Variants in KCNQ1 observed in about 807,000 individuals in gnomAD.
KCNQ1 encodes the protein potassium voltage-gated channel subfamily KQT member 1.
A neutral mutation model predicts 72.4 loss-of-function variants in KCNQ1; 49 were observed. The ratio of observed to expected loss-of-function variants is 0.68; its 90% CI spans 0.54 to 0.86. The LOEUF (loss-of-function observed/expected upper bound fraction) is 0.86, where lower values mean the gene tolerates loss of function less well. Ranked by LOEUF, KCNQ1 falls within the 40% of genes least tolerant of loss-of-function variation. KCNQ1 has a pLI of 0.00. For synonymous variants in KCNQ1, 450 were observed against 412.6 expected, an observed-to-expected ratio of 1.09 and a Z score of -1.10; for missense variants, 790 against 945.1, an observed-to-expected ratio of 0.84 and a Z score of 2.15.
chr11:2,532,353 C>G (rs759595505), intron 2 of KCNQ1, among the ~76,000 whole-genome samples: 2 of 152,344 alleles, frequency 1.3e-5, no homozygotes, highest in South Asian at 2.1e-4. Flanking sequence ...TATGTGCTCC[C>G]GGCTTCAGCT....
At chr11:2,810,356 G>A (rs1375882662) in intron 15 of KCNQ1, among the ~76,000 whole-genome samples, 1 of 152,206 alleles carries the variant, frequency 6.6e-6, no homozygotes, top group Non-Finnish European at 1.5e-5. Context: ...TCTCATCATG[G>A]AGGCCACCAT....
At position 2,787,039 on chromosome 11, in the gene KCNQ1, G is replaced by A. The variant is rs1439907127; in HGVS notation, c.1794+9002G>A. On this transcript the variant is annotated intron_variant, in intron 15 of 15. Transcript: ENST00000155840. The surrounding 1 kb of genome is among the most constrained non-coding windows in gnomAD (Gnocchi z 6.3). ...TCTGGTGTGAAGTTGGGGTCCTCAGGGAGGAATCATGTTTACCCCTTCCAT... is the reference window on the plus strand; with the variant it reads ...TCTGGTGTGAAGTTGGGGTCCTCAGAGAGGAATCATGTTTACCCCTTCCAT... Among the ~76,000 whole-genome samples the A allele has an allele frequency of 6.6e-6, 1 of 150,940 alleles. No homozygotes were observed. The highest frequency in any genetic ancestry group is 2.4e-5 in the African/African-American group (1 of 41,018).
chr11:2,660,218 C>T (rs1330258688), intron 10 of KCNQ1: 1 of 397,500 alleles, frequency 2.5e-6, no homozygotes, highest in African/African-American at 2.1e-5. Flanking sequence ...TATGTAGTAC[C>T]CTTTAAATTT....
chr11:2,615,248 A>G (rs971057889), intron 10 of KCNQ1: 4 of 398,062 alleles, frequency 1.0e-5, no homozygotes, highest in African/African-American at 8.2e-5. Context: ...ATAAATGTTG[A>G]ACATGTACCC....
chr11:2,609,686 TTA>T (rs1200401802), intron 10 of KCNQ1: 3 of 398,288 alleles, frequency 7.5e-6, no homozygotes, highest in South Asian at 2.5e-4. Context: ...TTTTTGCTTC[TTA>T]TGTTTTAGTT....
chr11:2,733,861 C>T (rs1253974930), intron 11 of KCNQ1, among the ~76,000 whole-genome samples: 11 of 117,812 alleles, frequency 9.3e-5, no homozygotes, highest in Non-Finnish European at 2.0e-4. Context: ...CTCTCTCCCC[C>T]CCCACTTCAG....
At chr11:2,465,233 C>T (rs1445884932) in intron 1 of KCNQ1, among the ~76,000 whole-genome samples, 1 of 152,208 alleles carries the variant, frequency 6.6e-6, no homozygotes, top group South Asian at 2.1e-4. Context: ...AGTCATCACT[C>T]ACTGCAGTGC....
chr11:2,662,203 C>A, intron 11 of KCNQ1, 122 bp downstream of exon 11: 1 of 1,362,072 alleles, frequency 7.3e-7, no homozygotes, highest in Non-Finnish European at 1.0e-6. Flanking sequence ...TAGTGCCCAC[C>A]ACTTGCCGTC....
intron 10 of KCNQ1, chr11:2,614,562 A>G (rs79631790): frequency 0.017 from 6,682 of 398,464 alleles, 283 homozygotes; most frequent in East Asian, 0.11. Flanking sequence ...TTTATATGCT[A>G]TGAGTTATGG....
chr11:2,613,965 A>G lies in KCNQ1; in HGVS notation c.1393+25111A>G, dbSNP rs1222779531. The G allele has an allele frequency of 2.5e-6, 1 of 398,510 alleles. No individual in the cohort carries two copies. Among genetic ancestry groups the G allele is most frequent in the South Asian group, 1.3e-4 (1 of 7,864 alleles). The allele number at this position is 398,510 out of a possible 1,614,324, so 24.7% of individuals were successfully genotyped here. The stretch of plus-strand genomic sequence containing the variant: ...TTCTCACCTAACAACATCTCCTAGA[A>G]ATCACTCAACATCCATTCACAGAGA... On this transcript the variant is annotated intron_variant, in intron 10 of 15. Coordinates refer to ENST00000155840, the MANE Select transcript of KCNQ1 (RefSeq NM_000218.3). The surrounding 1 kb of genome is among the most constrained non-coding windows in gnomAD (Gnocchi z 4.8).
chr11:2,530,174 T>C (rs747670920), intron 2 of KCNQ1, among the ~76,000 whole-genome samples: 5 of 152,190 alleles, frequency 3.3e-5, no homozygotes, highest in Non-Finnish European at 7.3e-5. Context: ...CTTGGCAGCA[T>C]GGGCCTCATG....
chr11:2,786,235 T>G (rs1322503266), intron 15 of KCNQ1, among the ~76,000 whole-genome samples: 2 of 152,174 alleles, frequency 1.3e-5, no homozygotes, highest in East Asian at 3.8e-4. Flanking sequence ...ATCAAAATTC[T>G]TTTTTCTTAG....
In KCNQ1 at chr11:2,704,653, C is replaced by T. The variant is rs1046199117; in HGVS notation, c.1514+42572C>T. On this transcript the variant is annotated intron_variant, in intron 11 of 15. Coordinates refer to ENST00000155840, the MANE Select transcript of KCNQ1 (RefSeq NM_000218.3). This position sits in a 1 kb window ranked among gnomAD's most constrained non-coding sequence, Gnocchi z 4.3. ...GGCAGCAGGGTGAGGGGGAAGACTA[C>T]GGGGGACTTGCCGTCACCCAGTGAG... Among the ~76,000 whole-genome samples the T allele has an allele frequency of 2.0e-5, 3 of 152,152 alleles. No individual in the cohort carries two copies. The highest frequency in any genetic ancestry group is 2.0e-4 in the Admixed American group (3 of 15,274).
At chr11:2,597,483 A>T (rs1300164654) in intron 10 of KCNQ1, among the ~76,000 whole-genome samples, 1 of 152,194 alleles carries the variant, frequency 6.6e-6, no homozygotes, top group Non-Finnish European at 1.5e-5. Flanking sequence ...CAGCCATCAA[A>T]ACTGTGAAGC....
chr11:2,734,415 C>T lies in KCNQ1; in HGVS notation c.1515-34429C>T, dbSNP rs891290807. Among the ~76,000 whole-genome samples, 1 of 152,204 alleles carries T rather than the reference C, an allele frequency of 6.6e-6. No homozygotes were observed. The highest frequency in any genetic ancestry group is 2.4e-5 in the African/African-American group (1 of 41,458). On this transcript the variant is annotated intron_variant, in intron 11 of 15. Transcript: ENST00000155840. This position sits in a 1 kb window ranked among gnomAD's most constrained non-coding sequence, Gnocchi z 7.0. ...TCACAGCCCCCCGGCCACCGCAGGT[C>T]GGGGGAGCACTGTCCCCGGGGCCCC...
chr11:2,572,173 C>T (rs1848347690), intron 5 of KCNQ1, 64 bp downstream of exon 5: 1 of 1,271,552 alleles, frequency 7.9e-7, no homozygotes, highest in Non-Finnish European at 1.1e-6. Flanking sequence ...AGCAGAGCAG[C>T]CCACACTAGG....
Position 2,613,820 on chromosome 11 carries a change from G to T in KCNQ1, c.1393+24966G>T, listed in dbSNP as rs891494533. The stretch of plus-strand genomic sequence containing the variant: ...TCCTAATTCCCCCTACCCATTATAG[G>T]TAACCAGTTTCAGTGTTTTCTAGTT... On this transcript the variant is annotated intron_variant, in intron 10 of 15. Transcript: ENST00000155840. The surrounding 1 kb of genome is among the most constrained non-coding windows in gnomAD (Gnocchi z 4.8). 1 of 398,342 alleles carries T rather than the reference G, an allele frequency of 2.5e-6. No homozygotes were observed. The highest frequency in any genetic ancestry group is 2.1e-5 in the African/African-American group (1 of 48,650). 24.7% of individuals were successfully genotyped at this position (398,342 alleles called of 1,614,324 possible).
intron 11 of KCNQ1, among the ~76,000 whole-genome samples, chr11:2,753,373 T>C (rs939126514): frequency 6.6e-6 from 1 of 152,162 alleles, no homozygotes; most frequent in African/African-American, 2.4e-5. Context: ...TCAGCTGCTG[T>C]CCTGAGGGTT....
chr11:2,679,499 C>G lies in KCNQ1; in HGVS notation c.1514+17418C>G, dbSNP rs1372548313. 2.5e-6 allele frequency: 1 copy of G among 398,504 alleles called. No individual in the cohort carries two copies. Among genetic ancestry groups the G allele is most frequent in the Non-Finnish European group, 4.4e-6 (1 of 226,076 alleles). 24.7% of individuals were successfully genotyped at this position (398,504 alleles called of 1,614,324 possible). On this transcript the variant is annotated intron_variant, in intron 11 of 15. Coordinates refer to ENST00000155840, the MANE Select transcript of KCNQ1 (RefSeq NM_000218.3). The surrounding 1 kb of genome is among the most constrained non-coding windows in gnomAD (Gnocchi z 4.8). ...AAGTGCCTGTCCTATAGTAGTGACA[C>G]AGTGTTACTTAAATGTATTGCTATA...
Sources: gnomAD v4.1 joint callset for allele counts (sites outside exome capture counted in the v4.1 genomes callset) on GRCh38, gnomAD v4.1.1 for gene constraint, Gnocchi (gnomAD v3.1) non-coding constraint, MANE v1.5 for transcripts, NCBI Gene and HGNC (gene_info 2026-07-23, HGNC 2026-07-21) for gene names.